Variants in CHRDL1 observed in about 807,000 individuals in gnomAD.
CHRDL1 encodes the protein chordin like 1.
CHRDL1 carries 19 observed loss-of-function variants against 40.9 expected under a neutral mutation model. The observed-to-expected ratio is 0.46, with a 90% CI of 0.32 to 0.68. The LOEUF is 0.68. CHRDL1 is among the 30% of genes least tolerant of loss of function. The pLI is 0.03. For missense variants in CHRDL1, 329 were observed against 352.1 expected (o/e 0.93, Z 0.53); for synonymous variants, 136 against 123.4 (o/e 1.10, Z -0.68).
At chrX:110,681,717 T>C (rs1603109886) in intron 9 of CHRDL1, 68 bp from the exon 10 acceptor site, 4 of 769,868 alleles carry the variant, frequency 5.2e-6, no homozygotes, top group Non-Finnish European at 5.8e-6. Context: ...TCTGCATTTA[T>C]GTATCTCATT....
intron 4 of CHRDL1, among the ~76,000 whole-genome samples, chrX:110,739,181 T>C (rs1203418830): frequency 4.5e-5 from 5 of 112,255 alleles, no homozygotes; most frequent in Non-Finnish European, 7.5e-5. Flanking sequence ...CATTTCAATA[T>C]TGAGAGTATG....
intron 4 of CHRDL1, among the ~76,000 whole-genome samples, chrX:110,743,267 G>A (rs1000933515): frequency 2.7e-5 from 3 of 112,471 alleles, no homozygotes; most frequent in African/African-American, 9.7e-5. Context: ...CTAGGCTTGT[G>A]CTCATGATGG....
At chrX:110,771,232 A>G (rs2089753850) in intron 2 of CHRDL1, among the ~76,000 whole-genome samples, 1 of 111,582 alleles carries the variant, frequency 9.0e-6, no homozygotes, top group African/African-American at 3.3e-5. Flanking sequence ...CTTACAAAGA[A>G]AATTCCAGAA....
chrX:110,677,638 A>G (rs1472246083), intron 11 of CHRDL1, among the ~76,000 whole-genome samples: 1 of 111,335 alleles, frequency 9.0e-6, no homozygotes, highest in African/African-American at 3.3e-5. Context: ...CTCCTTTCTT[A>G]CTCACATGTA....
At chrX:110,693,064 C>T (rs2070310699) in intron 8 of CHRDL1, among the ~76,000 whole-genome samples, 1 of 108,535 alleles carries the variant, frequency 9.2e-6, no homozygotes, top group South Asian at 4.1e-4. Flanking sequence ...GCCCTTGCTC[C>T]AACGAGCTGG....
At chrX:110,775,898 T>C (rs2089844877) in intron 2 of CHRDL1, among the ~76,000 whole-genome samples, 1 of 111,166 alleles carries the variant, frequency 9.0e-6, no homozygotes. Context: ...TTTAAGAAAG[T>C]TTTTAGTGGC....
intron 4 of CHRDL1, among the ~76,000 whole-genome samples, chrX:110,729,175 C>G (rs994495939): frequency 1.8e-5 from 2 of 111,576 alleles, no homozygotes; most frequent in Admixed American, 9.5e-5. Flanking sequence ...AGCCTCCCCC[C>G]ACCTCCAAAA....
intron 3 of CHRDL1, 126 bp downstream of exon 3, chrX:110,762,569 G>C (rs371249145): frequency 2.2e-6 from 1 of 447,187 alleles, no homozygotes; most frequent in Non-Finnish European, 3.9e-6. Flanking sequence ...GAGACAGTGC[G>C]ATCGGTCTGC....
At chrX:110,718,915 CAAAGG>C (rs1036214639) in intron 6 of CHRDL1, among the ~76,000 whole-genome samples, 39 of 111,438 alleles carry the variant, frequency 3.5e-4, no homozygotes, top group African/African-American at 1.2e-3. Context: ...GCCACAGCTA[CAAAGG>C]TGCTTTCCCT....
Position 110,788,686 on chromosome X carries a change from A to G in CHRDL1, c.94+3402T>C, listed in dbSNP as rs767609003. On this transcript the variant is annotated intron_variant, in intron 2 of 11. Coordinates refer to ENST00000372042, the MANE Select transcript of CHRDL1 (RefSeq NM_001143981.2). ...TTGTCTCTAGAGTTGCACAGTAAAA[A>G]TATGGGAAATAAGATGTACTTTTAC... 7.1e-5 allele frequency among the ~76,000 whole-genome samples: 8 copies of G among 112,138 alleles called. No individual in the cohort carries two copies. In the South Asian group the frequency reaches 3.0e-3, roughly 42 times the overall value.
In CHRDL1 at chrX:110,676,243, C is replaced by T. The variant is rs2069774276; in HGVS notation, c.1365G>A (p.Lys455=). ...VKVLYLERSE[K]GHC is the part of the protein sequence containing the mutation. ...CTGTCTGTCTTGCCTAACAGTGGCC[C>T]TTTTCAGATCTCTCCAGGTACAAAA... The change falls in exon 12 of 12, where the codon AAG becomes AAA. Residue 455 remains lysine (K), a synonymous_variant. Transcript: ENST00000372042. 1 of 1,209,282 alleles carries T rather than the reference C, an allele frequency of 8.3e-7. No individual in the cohort carries two copies. The highest frequency in any genetic ancestry group is 1.1e-6 in the Non-Finnish European group (1 of 893,893).
chrX:110,703,483 G>A (rs1202749774), intron 6 of CHRDL1, among the ~76,000 whole-genome samples: 1 of 111,804 alleles, frequency 8.9e-6, no homozygotes. Flanking sequence ...TTTATAACTA[G>A]AAAATTATGC....
intron 4 of CHRDL1, among the ~76,000 whole-genome samples, chrX:110,758,828 G>A (rs1315784388): frequency 1.8e-5 from 2 of 111,916 alleles, no homozygotes; most frequent in African/African-American, 3.2e-5. Context: ...ACCCTCAAAA[G>A]CCCATCCAGG....
At chrX:110,732,528 C>G (rs943401032) in intron 4 of CHRDL1, among the ~76,000 whole-genome samples, 1 of 111,899 alleles carries the variant, frequency 8.9e-6, no homozygotes, top group Non-Finnish European at 1.9e-5. Context: ...TGGAAGAGGG[C>G]GCTGAAAGCT....
At chrX:110,689,494 ATATATCTATATATC>A in intron 8 of CHRDL1, among the ~76,000 whole-genome samples, 1 of 52,204 alleles carries the variant, frequency 1.9e-5, no homozygotes. Flanking sequence ...CTATATCTCT[ATATATCTATATATC>A]TATATCTCTA....
At chrX:110,723,686 A>G (rs1398335601) in intron 4 of CHRDL1, among the ~76,000 whole-genome samples, 3 of 112,159 alleles carry the variant, frequency 2.7e-5, no homozygotes, top group Non-Finnish European at 5.6e-5. Flanking sequence ...CCAAACCACT[A>G]GAACATGAAG....
rs11554172 is a variant in CHRDL1 at position 110,694,267 on chromosome X, C to T, written c.674G>A (p.Arg225His). Residue 225 changes from arginine to histidine, a missense_variant, in exon 8 of 12, where the codon CGC becomes CAC. Physicochemically the swap from Arg to His is conservative, Grantham distance 29 (BLOSUM62 0). Coordinates refer to ENST00000372042, the MANE Select transcript of CHRDL1 (RefSeq NM_001143981.2). ...PPSRQAGGLS[R>H]FPGARSHRGA... The stretch of plus-strand genomic sequence containing the variant: ...CCGGTGACTTCTGGCCCCAGGAAAG[C>T]GGGACAGACCTCCAGCCTGTCGGCT... 438 of 1,207,187 alleles carry T rather than the reference C, an allele frequency of 3.6e-4. No homozygotes were observed. The highest frequency in any genetic ancestry group is 6.3e-4 in the Admixed American group (29 of 45,823).
intron 2 of CHRDL1, among the ~76,000 whole-genome samples, chrX:110,763,830 G>A (rs1056788997): frequency 9.9e-5 from 11 of 111,500 alleles, no homozygotes; most frequent in African/African-American, 2.0e-4. Context: ...TTTCCATAGC[G>A]GATGTACTAG....
In CHRDL1 at chrX:110,689,432, CTATATATCTATATA is replaced by C. The variant is rs1569461436; in HGVS notation, c.779-643_779-630del. Among the ~76,000 whole-genome samples, 19 of 72,193 alleles carry C rather than the reference CTATATATCTATATA, an allele frequency of 2.6e-4. 5 individuals are homozygous for C. The highest frequency in any genetic ancestry group is 1.4e-3 in the African/African-American group (18 of 13,243). 62.7% of individuals were successfully genotyped at this position (72,193 alleles called of 115,157 possible). A position where few individuals can be genotyped will look rare whatever the true frequency, so the allele number is the denominator to read the frequency against. On this transcript the variant is annotated intron_variant, in intron 8 of 11. Transcript: ENST00000372042. ...TATATATCTATATATATCTATATAT[CTATATATCTATATA>C]TATCTATATATCTATATATATCTAT...
Sources: allele counts gnomAD v4.1 joint callset (sites outside exome capture counted in the v4.1 genomes callset), GRCh38; gene constraint gnomAD v4.1.1; transcripts MANE v1.5; gene names NCBI Gene and HGNC (gene_info 2026-07-23, HGNC 2026-07-21).